Variants in UBE2W observed in about 807,000 individuals in gnomAD.
The protein encoded by UBE2W is ubiquitin conjugating enzyme E2 W.
UBE2W carries 18 observed loss-of-function variants against 27.2 expected under a neutral mutation model. That is an observed-to-expected ratio of 0.66 (90% CI 0.46 to 0.98). The LOEUF (loss-of-function observed/expected upper bound fraction) is 0.98, where lower values mean the gene tolerates loss of function less well. Among genes scored for constraint, UBE2W ranks in the 50% least tolerant of loss-of-function variants. UBE2W has a pLI of 0.00. For synonymous variants in UBE2W, 53 were observed against 57.2 expected (o/e 0.93, Z 0.33); for missense variants, 90 against 180.2 (o/e 0.50, Z 2.87).
chr8:73,817,448 G>A (rs754503835), intron 3 of UBE2W, among the ~76,000 whole-genome samples: 10 of 152,230 alleles, frequency 6.6e-5, no homozygotes, highest in African/African-American at 4.8e-5. Context: ...AGGAATGGAA[G>A]AACTTTCTCT....
intron 5 of UBE2W, among the ~76,000 whole-genome samples, chr8:73,797,845 C>T (rs559041972): frequency 2.0e-5 from 3 of 152,192 alleles, no homozygotes; most frequent in Non-Finnish European, 4.4e-5. Context: ...CTTCAACAAA[C>T]AGGAGCCTTA....
At chr8:73,870,694 A>G (rs1811967509) in intron 1 of UBE2W, among the ~76,000 whole-genome samples, 1 of 152,118 alleles carries the variant, frequency 6.6e-6, no homozygotes, top group African/African-American at 2.4e-5. Flanking sequence ...TAATTAATAC[A>G]TAGCCAAAGG....
At chr8:73,810,403 A>G in intron 4 of UBE2W, 71 bp downstream of exon 4, 1 of 1,354,354 alleles carries the variant, frequency 7.4e-7, no homozygotes, top group Non-Finnish European at 1.0e-6. Flanking sequence ...AAAAATAATT[A>G]CATATTAAAA....
intron 1 of UBE2W, chr8:73,870,209 C>A (rs1026324731): frequency 1.3e-6 from 2 of 1,532,038 alleles, no homozygotes; most frequent in Admixed American, 2.0e-5. Context: ...TAATAGCTCA[C>A]AATTTTATTT....
At chr8:73,796,946 G>A (rs1373333627) in intron 5 of UBE2W, among the ~76,000 whole-genome samples, 1 of 151,916 alleles carries the variant, frequency 6.6e-6, no homozygotes, top group African/African-American at 2.4e-5. Context: ...GACAAATACA[G>A]GCTGACAAAA....
chr8:73,804,402 T>C (rs1296822484), intron 5 of UBE2W, among the ~76,000 whole-genome samples: 5 of 152,124 alleles, frequency 3.3e-5, no homozygotes, highest in African/African-American at 9.7e-5. Flanking sequence ...TACAGACTTT[T>C]TGTTTTTAAT....
chr8:73,866,291 ATATAT>A lies in UBE2W; in HGVS notation c.15+12512_15+12516del, dbSNP rs1380584600. Among the ~76,000 whole-genome samples, 37 of 44,702 alleles carry A rather than the reference ATATAT, an allele frequency of 8.3e-4. No homozygotes were observed. The East Asian group carries it at 0.015, about 18-fold the overall frequency. The allele number at this position is 44,702 out of a possible 152,430, so 29.3% of individuals were successfully genotyped here. Reference sequence around the variant, plus strand: ...TCTAAAAAAAAAAAAAAAAAAAAAAATATATATATATATATATATATATATATACT... The same window carrying A: ...TCTAAAAAAAAAAAAAAAAAAAAAAAATATATATATATATATATATATACT... On this transcript the variant is annotated intron_variant, in intron 1 of 5. Transcript: ENST00000602593.
chr8:73,807,876 G>A (rs927025876), intron 4 of UBE2W, among the ~76,000 whole-genome samples: 11 of 152,140 alleles, frequency 7.2e-5, no homozygotes, highest in African/African-American at 2.2e-4. Flanking sequence ...GAAGTCTTAC[G>A]AAATTGTTTT....
chr8:73,866,812 G>C (rs1811792963), intron 1 of UBE2W, among the ~76,000 whole-genome samples: 1 of 152,038 alleles, frequency 6.6e-6, no homozygotes, highest in African/African-American at 2.4e-5. Flanking sequence ...CACTTTGGGA[G>C]GCAGAGGTGG....
chr8:73,821,124 T>A (rs937172097), intron 3 of UBE2W, among the ~76,000 whole-genome samples: 10 of 152,256 alleles, frequency 6.6e-5, no homozygotes, highest in African/African-American at 2.4e-4. Context: ...GGTACTCGCA[T>A]CTAATTGGCA....
downstream of UBE2W, among the ~76,000 whole-genome samples, chr8:73,781,255 A>G (rs112483923): frequency 0.053 from 7,887 of 147,492 alleles, 681 homozygotes; most frequent in African/African-American, 0.19. Context: ...GTGCGACACA[A>G]TGAGACTCAG....
At chr8:73,833,393 A>T (rs1224763141) in intron 1 of UBE2W, among the ~76,000 whole-genome samples, 4 of 151,874 alleles carry the variant, frequency 2.6e-5, no homozygotes, top group African/African-American at 4.8e-5. Context: ...TATAATTTTT[A>T]AAAAATTTTA....
intron 3 of UBE2W, among the ~76,000 whole-genome samples, chr8:73,820,793 T>TA (rs1809581078): frequency 6.7e-6 from 1 of 149,678 alleles, no homozygotes; most frequent in African/African-American, 2.5e-5. Context: ...AAAAACAAAA[T>TA]AAAAAAACCA....
intron 5 of UBE2W, among the ~76,000 whole-genome samples, chr8:73,800,051 C>G (rs1295426842): frequency 2.0e-5 from 3 of 152,132 alleles, no homozygotes; most frequent in Non-Finnish European, 4.4e-5. Flanking sequence ...CCAAATTTAC[C>G]TATAATGCCA....
intron 4 of UBE2W, among the ~76,000 whole-genome samples, chr8:73,806,996 C>T (rs916135194): frequency 4.6e-5 from 7 of 152,150 alleles, no homozygotes; most frequent in African/African-American, 1.4e-4. Context: ...GCCAACAACA[C>T]TGAAGATATA....
intron 1 of UBE2W, among the ~76,000 whole-genome samples, chr8:73,876,973 A>C (rs1014647393): frequency 6.6e-6 from 1 of 152,212 alleles, no homozygotes; most frequent in Non-Finnish European, 1.5e-5. Context: ...ATCTCAAAAA[A>C]GAAAAAAGAC....
chr8:73,816,416 A>C (rs1809386351), intron 3 of UBE2W, among the ~76,000 whole-genome samples: 1 of 152,220 alleles, frequency 6.6e-6, no homozygotes, highest in South Asian at 2.1e-4. Flanking sequence ...GAGGATGGAA[A>C]ATCAGACCAG....
At chr8:73,869,215 G>C (rs1326085023) in intron 1 of UBE2W, among the ~76,000 whole-genome samples, 4 of 152,196 alleles carry the variant, frequency 2.6e-5, no homozygotes, top group African/African-American at 9.6e-5. Flanking sequence ...TGCTGAGACT[G>C]GGAGTTTCAA....
chr8:73,790,424 A>C lies in UBE2W; in HGVS notation c.*3678T>G. The C allele has an allele frequency of 1.0e-6, 1 of 985,454 alleles. No individual in the cohort carries two copies. Among genetic ancestry groups the C allele is most frequent in the Admixed American group, 6.1e-5 (1 of 16,290 alleles). 61.0% of individuals were successfully genotyped at this position (985,454 alleles called of 1,614,324 possible). On this transcript the variant is annotated 3_prime_UTR_variant, in exon 6 of 6. Transcript: ENST00000602593. The stretch of plus-strand genomic sequence containing the variant: ...TTACTATAACACAGAACAGTATAGT[A>C]GCTGATTCTGATAATGAATCCTCAG...
Sources: allele counts gnomAD v4.1 joint callset (sites outside exome capture counted in the v4.1 genomes callset), GRCh38; gene constraint gnomAD v4.1.1; transcripts MANE v1.5; gene names NCBI Gene and HGNC (gene_info 2026-07-23, HGNC 2026-07-21).